The following LMNB1 variants were observed in gnomAD, a reference collection of about 807,000 sequenced individuals.
LMNB1 encodes the protein lamin-B1.
LMNB1 carries 23 observed loss-of-function variants against 67.1 expected under a neutral mutation model. That is an observed-to-expected ratio of 0.34 (90% CI 0.25 to 0.49). The LOEUF is 0.49. Ranked by LOEUF, LMNB1 falls within the 20% of genes least tolerant of loss-of-function variation. The pLI is 0.99. For synonymous variants in LMNB1, 281 were observed against 282.9 expected (o/e 0.99, Z 0.07); for missense variants, 634 against 746.5 (o/e 0.85, Z 1.76).
In LMNB1 at chr5:126,805,499, CAT is replaced by C. The variant is rs1228469969; in HGVS notation, c.517-70_517-69del. 9 of 993,268 alleles carry C rather than the reference CAT, an allele frequency of 9.1e-6. No individual in the cohort carries two copies. In the African/African-American group the frequency reaches 1.5e-4, roughly 16 times the overall value. The allele number at this position is 993,268 out of a possible 1,614,324, so 61.5% of individuals were successfully genotyped here. On this transcript the variant is annotated intron_variant, in intron 2 of 10. Transcript: ENST00000261366. Reference sequence around the variant, plus strand: ...TTTTAACACTTGATTTGATTTGATTCATAGATATCTTATGTTCATTATTAAAT... The same window carrying C: ...TTTTAACACTTGATTTGATTTGATTCAGATATCTTATGTTCATTATTAAAT...
chr5:126,828,039 T>G (rs1381329584), intron 9 of LMNB1, among the ~76,000 whole-genome samples: 1 of 151,530 alleles, frequency 6.6e-6, no homozygotes, highest in African/African-American at 2.4e-5. Context: ...ACTGGATGCA[T>G]TTTTTAAAAA....
intron 5 of LMNB1, among the ~76,000 whole-genome samples, chr5:126,818,438 C>T (rs796773717): frequency 2.9e-4 from 44 of 152,146 alleles, no homozygotes; most frequent in African/African-American, 1.0e-3. Context: ...GACGGGGTTT[C>T]GCCATGTTAG....
chr5:126,787,546 A>ATTTTTTTTTTTTTTTTTTTTT (rs142332901), intron 1 of LMNB1, among the ~76,000 whole-genome samples: 5 of 65,582 alleles, frequency 7.6e-5, no homozygotes, highest in Non-Finnish European at 1.4e-4. Context: ...ATATATATAT[A>ATTTTTTTTTTTTTTTTTTTTT]TTTTTTTTTT....
intron 1 of LMNB1, among the ~76,000 whole-genome samples, chr5:126,797,543 T>C (rs1363083323): frequency 6.6e-6 from 1 of 152,208 alleles, no homozygotes; most frequent in Non-Finnish European, 1.5e-5. Flanking sequence ...GGAGGCATTG[T>C]CAGATGTCAT....
chr5:126,786,028 A>AAC (rs1750771615), intron 1 of LMNB1, among the ~76,000 whole-genome samples: 1 of 149,980 alleles, frequency 6.7e-6, no homozygotes, highest in Non-Finnish European at 1.5e-5. Flanking sequence ...GTGGGGGAAA[A>AAC]GATGCAGGAA....
intron 1 of LMNB1, among the ~76,000 whole-genome samples, chr5:126,797,625 C>T (rs1751135896): frequency 6.6e-6 from 1 of 152,198 alleles, no homozygotes; most frequent in Non-Finnish European, 1.5e-5. Context: ...CAGGTTTCTG[C>T]ACTTTGACTA....
intron 9 of LMNB1, among the ~76,000 whole-genome samples, chr5:126,827,641 T>C (rs899960868): frequency 1.2e-4 from 18 of 152,158 alleles, no homozygotes; most frequent in Admixed American, 1.0e-3. Flanking sequence ...AGCAAGACTG[T>C]GTCTCAAATA....
chr5:126,811,693 GA>G, intron 4 of LMNB1, 79 bp from the exon 5 acceptor site: 4 of 1,383,130 alleles, frequency 2.9e-6, no homozygotes, highest in Non-Finnish European at 4.0e-6. Flanking sequence ...ACTTAGGTTT[GA>G]AATGCCTTGA....
At chr5:126,794,214 C>G (rs562026315) in intron 1 of LMNB1, among the ~76,000 whole-genome samples, 1 of 152,152 alleles carries the variant, frequency 6.6e-6, no homozygotes, top group African/African-American at 2.4e-5. Flanking sequence ...AGTGAACCAC[C>G]GTGCCTGGCC....
At chr5:126,818,826 G>A in intron 5 of LMNB1, 96 bp from the exon 6 acceptor site, 1 of 855,234 alleles carries the variant, frequency 1.2e-6, no homozygotes. Context: ...CCATAGGGTT[G>A]TACTGTTTTC....
chr5:126,806,896 GC>G (rs955778886), intron 3 of LMNB1, among the ~76,000 whole-genome samples: 3 of 151,896 alleles, frequency 2.0e-5, no homozygotes, highest in African/African-American at 4.8e-5. Flanking sequence ...TCCTGCCTTA[GC>G]CCCCCTAGTA....
At chr5:126,823,718 A>G (rs894188710) in intron 8 of LMNB1, among the ~76,000 whole-genome samples, 1 of 152,198 alleles carries the variant, frequency 6.6e-6, no homozygotes, top group African/African-American at 2.4e-5. Context: ...AAAGGCTCAG[A>G]CTTCTCTTTA....
rs1751993562 is a variant in LMNB1, at chr5:126,826,094, A to C, written c.1598A>C (p.Asn533Thr). 1 of 1,612,632 alleles carries C rather than the reference A, an allele frequency of 6.2e-7. No individual in the cohort carries two copies. The highest frequency in any genetic ancestry group is 1.3e-5 in the African/African-American group (1 of 74,910). ...TGEDVKVILK[N>T]SQGEEVAQRS... Reference sequence around the variant, plus strand: ...GAAGATGTGAAGGTTATATTGAAAAATTCTCAGGGAGAGGTATGGCCAGTT... The same window carrying C: ...GAAGATGTGAAGGTTATATTGAAAACTTCTCAGGGAGAGGTATGGCCAGTT... The change falls in exon 9 of 11, where the codon AAT becomes ACT. Residue 533 changes from asparagine to threonine, a missense_variant. Asn to Thr is a moderately conservative substitution (Grantham distance 65). Transcript: ENST00000261366.
intron 1 of LMNB1, among the ~76,000 whole-genome samples, chr5:126,798,255 C>T (rs1751161160): frequency 6.6e-6 from 1 of 152,174 alleles, no homozygotes; most frequent in South Asian, 2.1e-4. Flanking sequence ...GTTGACCATC[C>T]TGGCCAACAC....
At chr5:126,835,903 C>T (rs949309953) in intron 10 of LMNB1, among the ~76,000 whole-genome samples, 1 of 152,118 alleles carries the variant, frequency 6.6e-6, no homozygotes, top group Non-Finnish European at 1.5e-5. Context: ...GCCTGGCTAA[C>T]GTGGTGGTGA....
In LMNB1 at chr5:126,802,351, A is replaced by C. The variant is rs113474766; in HGVS notation, c.360-2425A>C. 9.9e-3 allele frequency among the ~76,000 whole-genome samples: 1,501 copies of C among 152,308 alleles called. 17 individuals carry two copies. The highest frequency in any genetic ancestry group is 0.033 in the African/African-American group (1,362 of 41,564). On this transcript the variant is annotated intron_variant, in intron 1 of 10. Transcript: ENST00000261366. ...CCAGTCCTCAAACATCAGTAAGTAA[A>C]AGTACTCTTTTACTTTTTTAGTTTA...
chr5:126,804,345 T>A (rs2126709576), intron 1 of LMNB1, among the ~76,000 whole-genome samples: 1 of 144,004 alleles, frequency 6.9e-6, no homozygotes, highest in East Asian at 2.1e-4. Context: ...CTCAAAGTGA[T>A]GTGATTACAG....
At chr5:126,833,689 C>T (rs1341834359) in intron 10 of LMNB1, among the ~76,000 whole-genome samples, 2 of 152,144 alleles carry the variant, frequency 1.3e-5, no homozygotes, top group East Asian at 3.8e-4. Flanking sequence ...CAATGGGAAC[C>T]ATCGTAATTA....
chr5:126,806,803 A>G (rs1751446359), intron 3 of LMNB1, among the ~76,000 whole-genome samples: 1 of 151,354 alleles, frequency 6.6e-6, no homozygotes, highest in East Asian at 1.9e-4. Context: ...TTGAGACACG[A>G]GACCCGCTCT....
Sources: gnomAD v4.1 joint callset for allele counts (sites outside exome capture counted in the v4.1 genomes callset) on GRCh38, gnomAD v4.1.1 for gene constraint, MANE v1.5 for transcripts, NCBI Gene and HGNC (gene_info 2026-07-23, HGNC 2026-07-21) for gene names.